The following AGBL4 variants were observed in gnomAD, a reference collection of about 807,000 sequenced individuals.
The protein encoded by AGBL4 is cytosolic carboxypeptidase 6.
AGBL4 carries 58 observed loss-of-function variants against 66.4 expected under a neutral mutation model. That is an observed-to-expected ratio of 0.87 (90% CI 0.71 to 1.09). The LOEUF (loss-of-function observed/expected upper bound fraction) is 1.09. AGBL4 is among the 50% of genes least tolerant of loss of function. The pLI, the probability that AGBL4 is intolerant of heterozygous loss-of-function variation, is 0.00. For missense variants in AGBL4, 579 were observed against 631.0 expected (o/e 0.92, Z 0.88); for synonymous variants, 234 against 222.9 (o/e 1.05, Z -0.44).
At chr1:48,741,921 T>G (rs965800029) in intron 6 of AGBL4, among the ~76,000 whole-genome samples, 6 of 152,226 alleles carry the variant, frequency 3.9e-5, no homozygotes, top group African/African-American at 1.4e-4. Context: ...TAGAAGAATG[T>G]CAGAAAAATT....
chr1:49,638,988 G>T (rs1355754505), intron 3 of AGBL4, among the ~76,000 whole-genome samples: 1 of 152,062 alleles, frequency 6.6e-6, no homozygotes, highest in South Asian at 2.1e-4. Context: ...TATGACTCTT[G>T]TTAAGGTTTG....
intron 2 of AGBL4, among the ~76,000 whole-genome samples, chr1:49,705,530 A>C (rs1647193847): frequency 1.3e-5 from 2 of 152,010 alleles, no homozygotes; most frequent in African/African-American, 4.8e-5. Flanking sequence ...TACCCTTTTT[A>C]TTTCTTTCTC....
In AGBL4 at chr1:49,494,436, C is replaced by A. The variant is rs187165956; in HGVS notation, c.282+202877G>T. On this transcript the variant is annotated intron_variant, in intron 3 of 13. Coordinates refer to ENST00000371839, the MANE Select transcript of AGBL4 (RefSeq NM_032785.4). ...GCTATCCCTCCCCTCTCCCCGCACC[C>A]CACAACGTCCCCAGAGTGTGATGTT... 3.3e-5 allele frequency among the ~76,000 whole-genome samples: 5 copies of A among 152,048 alleles called. No homozygotes were observed. The East Asian group carries it at 9.7e-4, about 30-fold the overall frequency.
At chr1:49,563,827 A>T (rs1644119747) in intron 3 of AGBL4, among the ~76,000 whole-genome samples, 1 of 152,144 alleles carries the variant, frequency 6.6e-6, no homozygotes, top group Non-Finnish European at 1.5e-5. Context: ...GCCTCATAAA[A>T]TGAGTTAGGG....
chr1:48,728,140 C>A, intron 6 of AGBL4: 2 of 1,111,940 alleles, frequency 1.8e-6, no homozygotes, highest in Non-Finnish European at 2.5e-6. Flanking sequence ...CAACATACTT[C>A]CCAAATACCA....
intron 6 of AGBL4, among the ~76,000 whole-genome samples, chr1:48,745,233 TG>T (rs1650558688): frequency 6.6e-6 from 1 of 152,150 alleles, no homozygotes; most frequent in South Asian, 2.1e-4. Flanking sequence ...AGTAAAGTCC[TG>T]CTGCTGAGTA....
chr1:48,722,051 G>C lies in AGBL4; in HGVS notation c.635-58810C>G, dbSNP rs1275211507. Among the ~76,000 whole-genome samples, 7 of 142,692 alleles carry C rather than the reference G, an allele frequency of 4.9e-5. No individual in the cohort carries two copies. The East Asian group carries it at 1.3e-3, about 26-fold the overall frequency. 93.6% of individuals were successfully genotyped at this position (142,692 alleles called of 152,430 possible). A position where few individuals can be genotyped will look rare whatever the true frequency, so the allele number is the denominator to read the frequency against. ...AAGAACAGAGAAATTATTCAGATAA[G>C]AGGAACAGAGAGAGAGAAAATTGAC... is the stretch of plus-strand genomic sequence containing the variant. On this transcript the variant is annotated intron_variant, in intron 6 of 13. Coordinates refer to ENST00000371839, the MANE Select transcript of AGBL4 (RefSeq NM_032785.4).
At position 49,849,425 on chromosome 1, in the gene AGBL4, T is replaced by TATTATTATA. The variant is rs1553133743; in HGVS notation, c.157+1970_157+1971insTATAATAAT. ...TTATTATTATTATTATTATTATTAT[T>TATTATTATA]ATTATTATGTATATTCTGGTAAGAA... On this transcript the variant is annotated intron_variant, in intron 2 of 13. Transcript: ENST00000371839. Among the ~76,000 whole-genome samples the TATTATTATA allele has an allele frequency of 5.6e-4, 82 of 145,418 alleles. 1 individual carries two copies. The highest frequency in any genetic ancestry group is 1.1e-3 in the South Asian group (5 of 4,634).
intron 3 of AGBL4, among the ~76,000 whole-genome samples, chr1:49,275,233 G>A (rs1557792825): frequency 2.0e-5 from 3 of 152,286 alleles, no homozygotes; most frequent in South Asian, 4.1e-4. Context: ...GTGGCCTGAT[G>A]TCTTATCTAC....
chr1:49,992,081 C>T (rs1046476987), intron 1 of AGBL4, among the ~76,000 whole-genome samples: 4 of 152,102 alleles, frequency 2.6e-5, no homozygotes, highest in African/African-American at 9.7e-5. Context: ...ACTATAAATC[C>T]TTACTTTGGG....
chr1:49,289,125 T>A (rs1644486602), intron 3 of AGBL4, among the ~76,000 whole-genome samples: 1 of 152,078 alleles, frequency 6.6e-6, no homozygotes, highest in Non-Finnish European at 1.5e-5. Context: ...TTATAATGAA[T>A]ATTTTTGGCA....
intron 2 of AGBL4, among the ~76,000 whole-genome samples, chr1:49,737,342 CT>C (rs1362402325): frequency 6.6e-6 from 1 of 152,128 alleles, no homozygotes; most frequent in East Asian, 1.9e-4. Flanking sequence ...CCATGAAACA[CT>C]ACTCAGAAAT....
intron 5 of AGBL4, among the ~76,000 whole-genome samples, chr1:48,979,147 TAA>T (rs1175545886): frequency 6.6e-6 from 1 of 152,204 alleles, no homozygotes; most frequent in Non-Finnish European, 1.5e-5. Context: ...CCAATTGGAC[TAA>T]TAGTCCACAC....
chr1:49,977,096 T>C (rs1658623229), intron 1 of AGBL4, among the ~76,000 whole-genome samples: 2 of 152,256 alleles, frequency 1.3e-5, no homozygotes, highest in Non-Finnish European at 2.9e-5. Flanking sequence ...CTCTCTTCAC[T>C]GTCAGATGAA....
At chr1:49,703,811 T>C (rs755944677) in intron 2 of AGBL4, among the ~76,000 whole-genome samples, 1 of 152,034 alleles carries the variant, frequency 6.6e-6, no homozygotes. Flanking sequence ...GTTATTTACA[T>C]AGATTTTTCT....
chr1:49,727,734 A>G (rs1385400709), intron 2 of AGBL4, among the ~76,000 whole-genome samples: 6 of 152,186 alleles, frequency 3.9e-5, no homozygotes, highest in Non-Finnish European at 8.8e-5. Context: ...CTGCTCATTA[A>G]CAGAAAATTT....
At chr1:49,780,608 GGGAGCTCTACA>G (rs1298924830) in intron 2 of AGBL4, among the ~76,000 whole-genome samples, 9 of 152,038 alleles carry the variant, frequency 5.9e-5, no homozygotes, top group African/African-American at 1.9e-4. Context: ...GGAAGAAAGG[GGGAGCTCTACA>G]GGTATAAATT....
chr1:49,212,935 A>G (rs1648783934), intron 4 of AGBL4, among the ~76,000 whole-genome samples: 1 of 152,176 alleles, frequency 6.6e-6, no homozygotes, highest in East Asian at 1.9e-4. Flanking sequence ...AAGTAATAGC[A>G]AAAGCATTTA....
At chr1:49,639,752 A>C (rs1172582332) in intron 3 of AGBL4, among the ~76,000 whole-genome samples, 1 of 152,212 alleles carries the variant, frequency 6.6e-6, no homozygotes, top group Non-Finnish European at 1.5e-5. Flanking sequence ...GTAAATGCTA[A>C]AACAGAGGAA....
Sources: gnomAD v4.1 joint callset for allele counts (sites outside exome capture counted in the v4.1 genomes callset) on GRCh38, gnomAD v4.1.1 for gene constraint, MANE v1.5 for transcripts, NCBI Gene and HGNC (gene_info 2026-07-23, HGNC 2026-07-21) for gene names.